DCDC2: variants seen among roughly 807,000 people sequenced by gnomAD.
The protein encoded by DCDC2 is doublecortin domain containing 2.
A neutral mutation model predicts 50.2 loss-of-function variants in DCDC2; 40 were observed. That is an observed-to-expected ratio of 0.80 (90% CI 0.62 to 1.04). The LOEUF (loss-of-function observed/expected upper bound fraction) is 1.04. Ranked by LOEUF, DCDC2 falls within the 50% of genes least tolerant of loss-of-function variation. DCDC2 has a pLI of 0.00. For synonymous variants in DCDC2, 234 were observed against 210.6 expected (o/e 1.11, Z -0.96); for missense variants, 570 against 581.9 (o/e 0.98, Z 0.21).
the DCDC2 span, among the ~76,000 whole-genome samples, chr6:24,363,478 G>C: frequency 2.0e-5 from 3 of 152,120 alleles, no homozygotes; most frequent in African/African-American, 7.2e-5. Context: ...TGCAGCCTGG[G>C]TAACAGAATA....
rs28943573 is a variant in DCDC2 at position 24,289,326 on chromosome 6, A to G, written c.705-420T>C. Among the ~76,000 whole-genome samples the G allele has an allele frequency of 4.7e-3, 711 of 152,330 alleles. 7 individuals carry two copies. The highest frequency in any genetic ancestry group is 0.014 in the Middle Eastern group (4 of 294). Reference sequence around the variant, plus strand: ...TACCTCTGATAGGAGAGCAGAGGTAAAACACTGGCATTTGCATTCAGGTAG... The same window carrying G: ...TACCTCTGATAGGAGAGCAGAGGTAGAACACTGGCATTTGCATTCAGGTAG... On this transcript the variant is annotated intron_variant, in intron 5 of 9. Coordinates refer to ENST00000378454, the MANE Select transcript of DCDC2 (RefSeq NM_016356.5).
intron 2 of DCDC2, among the ~76,000 whole-genome samples, chr6:24,326,842 G>C (rs1160515121): frequency 2.8e-5 from 4 of 144,272 alleles, no homozygotes; most frequent in Non-Finnish European, 6.1e-5. Context: ...CTGGGTGACA[G>C]AGCGAGACCC....
intron 6 of DCDC2, 61 bp downstream of exon 6, chr6:24,288,791 A>C: frequency 1.4e-6 from 2 of 1,473,512 alleles, no homozygotes; most frequent in Non-Finnish European, 1.9e-6. Flanking sequence ...AGCCCAAAGG[A>C]CAGTCTCTTT....
At chr6:24,216,800 T>C (rs1304727934) in intron 7 of DCDC2, among the ~76,000 whole-genome samples, 1 of 152,248 alleles carries the variant, frequency 6.6e-6, no homozygotes, top group Non-Finnish European at 1.5e-5. Context: ...GTTAAACCGA[T>C]AGAGATCATC....
intron 7 of DCDC2, among the ~76,000 whole-genome samples, chr6:24,254,521 T>A (rs546310128): frequency 6.6e-6 from 1 of 152,144 alleles, no homozygotes; most frequent in Non-Finnish European, 1.5e-5. Flanking sequence ...GTAATCTTAT[T>A]GGGCCACTGT....
At chr6:24,248,947 A>G (rs553938890) in intron 7 of DCDC2, among the ~76,000 whole-genome samples, 3 of 152,258 alleles carry the variant, frequency 2.0e-5, no homozygotes, top group Admixed American at 6.5e-5. Context: ...CCAATGCCCC[A>G]TCCATCCATC....
intron 7 of DCDC2, among the ~76,000 whole-genome samples, chr6:24,272,046 A>G (rs982353757): frequency 6.6e-6 from 1 of 152,186 alleles, no homozygotes; most frequent in Non-Finnish European, 1.5e-5. Context: ...TTCTCTCTAT[A>G]TAGTGAACAA....
chr6:24,175,337 T>C (rs1176938575), intron 9 of DCDC2, among the ~76,000 whole-genome samples: 1 of 152,202 alleles, frequency 6.6e-6, no homozygotes. Flanking sequence ...ACAACAACTA[T>C]TGCTCCTGCC....
the DCDC2 span, among the ~76,000 whole-genome samples, chr6:24,373,954 A>C: frequency 6.6e-6 from 1 of 151,894 alleles, no homozygotes; most frequent in Non-Finnish European, 1.5e-5. Context: ...CAAGGTCAGG[A>C]GATCGAGACC....
chr6:24,220,870 A>AAGAGAG (rs373756905), intron 7 of DCDC2, among the ~76,000 whole-genome samples: 4 of 127,196 alleles, frequency 3.1e-5, no homozygotes, highest in East Asian at 5.2e-4. Context: ...GACAGAGAGC[A>AAGAGAG]AGAGAGCGAG....
intron 7 of DCDC2, among the ~76,000 whole-genome samples, chr6:24,220,883 CGAGAGAGTGAGCGAGCGAGCG>C: frequency 1.0e-5 from 1 of 95,750 alleles, no homozygotes; most frequent in East Asian, 2.8e-4. Flanking sequence ...AGAGCGAGAG[CGAGAGAGTGAGCGAGCGAGCG>C]AGAGAGTGAG....
At chr6:24,303,466 A>T (rs1759419406) in intron 2 of DCDC2, among the ~76,000 whole-genome samples, 1 of 151,708 alleles carries the variant, frequency 6.6e-6, no homozygotes, top group Admixed American at 6.6e-5. Context: ...CGCCCTCCTC[A>T]TTTCTCCACC....
chr6:24,266,080 A>G (rs767495656), intron 7 of DCDC2, among the ~76,000 whole-genome samples: 1 of 152,160 alleles, frequency 6.6e-6, no homozygotes, highest in Non-Finnish European at 1.5e-5. Context: ...GGTGACAAGA[A>G]CATACACTGG....
chr6:24,379,497 T>A, the DCDC2 span, among the ~76,000 whole-genome samples: 4 of 152,274 alleles, frequency 2.6e-5, no homozygotes, highest in East Asian at 7.7e-4. Context: ...TGAGATACCA[T>A]CTCATGCCAG....
intron 7 of DCDC2, among the ~76,000 whole-genome samples, chr6:24,232,820 G>C (rs1359854847): frequency 6.6e-6 from 1 of 151,470 alleles, no homozygotes; most frequent in Non-Finnish European, 1.5e-5. Context: ...ATTAATGAAT[G>C]AATGGGGTTC....
chr6:24,219,359 A>C (rs535921498), intron 7 of DCDC2, among the ~76,000 whole-genome samples: 2 of 152,224 alleles, frequency 1.3e-5, no homozygotes, highest in Non-Finnish European at 2.9e-5. Context: ...TTCCCATAAC[A>C]ACTTTATGAA....
intron 2 of DCDC2, among the ~76,000 whole-genome samples, chr6:24,316,417 C>A (rs78569540): frequency 0.016 from 2,489 of 152,080 alleles, 61 homozygotes; most frequent in African/African-American, 0.053. Context: ...AGAGAGCGAA[C>A]CATTTCAGAA....
chr6:24,314,357 C>A (rs1294961011), intron 2 of DCDC2, among the ~76,000 whole-genome samples: 2 of 151,980 alleles, frequency 1.3e-5, no homozygotes, highest in Admixed American at 1.3e-4. Context: ...CCTATAATCC[C>A]AGCTACTCAG....
intron 7 of DCDC2, among the ~76,000 whole-genome samples, chr6:24,248,966 A>C (rs1363153700): frequency 6.6e-6 from 1 of 152,202 alleles, no homozygotes; most frequent in East Asian, 1.9e-4. Context: ...TCCAGTGAGC[A>C]GCTTTAGTTT....
Sources: gnomAD v4.1 joint callset for allele counts (sites outside exome capture counted in the v4.1 genomes callset) on GRCh38, gnomAD v4.1.1 for gene constraint, MANE v1.5 for transcripts, NCBI Gene and HGNC (gene_info 2026-07-23, HGNC 2026-07-21) for gene names.